Variants in MYO1D observed in about 807,000 individuals in gnomAD.
MYO1D encodes myosin ID, also known as unconventional myosin-Id.
Under a neutral mutation model 122.0 loss-of-function variants are expected in MYO1D, and 83 were observed. The observed-to-expected ratio is 0.68, with a 90% confidence interval of 0.57 to 0.82. The LOEUF (loss-of-function observed/expected upper bound fraction) is 0.82, where lower values mean the gene tolerates loss of function less well. MYO1D is among the 40% of genes least tolerant of loss of function. The pLI, the probability that MYO1D is intolerant of heterozygous loss-of-function variation, is 0.00. For synonymous variants in MYO1D, 464 were observed against 446.9 expected (o/e 1.04, Z -0.48); for missense variants, 1,157 against 1,269.5 (o/e 0.91, Z 1.35).
chr17:32,535,959 C>T (rs1910651784), intron 21 of MYO1D, among the ~76,000 whole-genome samples: 2 of 152,184 alleles, frequency 1.3e-5, no homozygotes. Context: ...TGAGAGGCAG[C>T]GCATAGCTGC....
At chr17:32,870,668 G>T (rs2091170961) in intron 1 of MYO1D, among the ~76,000 whole-genome samples, 1 of 151,684 alleles carries the variant, frequency 6.6e-6, no homozygotes. Flanking sequence ...CAACATTTGA[G>T]TACTCAGTTA....
chr17:32,786,340 A>G (rs2090293690), intron 1 of MYO1D, among the ~76,000 whole-genome samples: 1 of 152,228 alleles, frequency 6.6e-6, no homozygotes, highest in South Asian at 2.1e-4. Flanking sequence ...ATCTTGATAA[A>G]TGAAAAGAGG....
chr17:32,610,104 C>T (rs1380471871), intron 20 of MYO1D, among the ~76,000 whole-genome samples: 4 of 152,176 alleles, frequency 2.6e-5, no homozygotes, highest in African/African-American at 4.8e-5. Context: ...GGAGCATTAG[C>T]TGCAGGGGTT....
intron 8 of MYO1D, 52 bp downstream of exon 8, chr17:32,764,825 CA>C: frequency 1.3e-6 from 2 of 1,574,792 alleles, no homozygotes; most frequent in Non-Finnish European, 1.7e-6. Context: ...GGATTTCACT[CA>C]ATTTGCAACT....
chr17:32,581,515 C>A (rs1402570694), intron 21 of MYO1D, among the ~76,000 whole-genome samples: 2 of 150,608 alleles, frequency 1.3e-5, no homozygotes, highest in African/African-American at 4.9e-5. Context: ...TTTTCCTTTT[C>A]CTTTTCTCTC....
intron 20 of MYO1D, among the ~76,000 whole-genome samples, chr17:32,615,525 C>T (rs60697635): frequency 0.056 from 8,558 of 152,174 alleles, 791 homozygotes; most frequent in African/African-American, 0.19. Flanking sequence ...GTTCTGCTCT[C>T]ATGTAAAATT....
chr17:32,848,895 T>C (rs1236940090), intron 1 of MYO1D, among the ~76,000 whole-genome samples: 1 of 152,206 alleles, frequency 6.6e-6, no homozygotes, highest in Non-Finnish European at 1.5e-5. Context: ...TAGATGACCA[T>C]TTCATAGACA....
At chr17:32,786,646 G>T (rs561793813) in intron 1 of MYO1D, among the ~76,000 whole-genome samples, 3 of 152,080 alleles carry the variant, frequency 2.0e-5, no homozygotes, top group Non-Finnish European at 4.4e-5. Flanking sequence ...ATGGCGAAAC[G>T]CCGGCTCTAC....
At chr17:32,827,662 C>G (rs1360361023) in intron 1 of MYO1D, among the ~76,000 whole-genome samples, 2 of 152,028 alleles carry the variant, frequency 1.3e-5, no homozygotes, top group African/African-American at 4.8e-5. Flanking sequence ...ATCGATTCAA[C>G]TGACATGAAC....
chr17:32,731,843 G>A (rs2150998739), intron 14 of MYO1D, among the ~76,000 whole-genome samples: 1 of 152,312 alleles, frequency 6.6e-6, no homozygotes, highest in Non-Finnish European at 1.5e-5. Context: ...CCAACCTCCT[G>A]GGTGAAGCCA....
chr17:32,857,992 G>C (rs1315384606), intron 1 of MYO1D, among the ~76,000 whole-genome samples: 1 of 152,178 alleles, frequency 6.6e-6, no homozygotes, highest in Non-Finnish European at 1.5e-5. Flanking sequence ...AATACCTGTT[G>C]ATTGGTAATG....
chr17:32,846,209 T>C (rs2090936537), intron 1 of MYO1D, among the ~76,000 whole-genome samples: 1 of 152,256 alleles, frequency 6.6e-6, no homozygotes. Flanking sequence ...GACAAAAAGT[T>C]AGCTGATAAG....
At chr17:32,787,115 A>T (rs1032447858) in intron 1 of MYO1D, among the ~76,000 whole-genome samples, 7 of 152,164 alleles carry the variant, frequency 4.6e-5, no homozygotes, top group Admixed American at 4.6e-4. Context: ...AAAAAGCTAG[A>T]AGAGCTCAAG....
chr17:32,695,244 T>A (rs961659623), intron 16 of MYO1D, among the ~76,000 whole-genome samples: 1 of 152,350 alleles, frequency 6.6e-6, no homozygotes, highest in South Asian at 2.1e-4. Flanking sequence ...CCTAGATCCC[T>A]TGCATGCGCA....
At chr17:32,701,156 A>G (rs2089243924) in intron 16 of MYO1D, among the ~76,000 whole-genome samples, 2 of 152,150 alleles carry the variant, frequency 1.3e-5, no homozygotes, top group South Asian at 4.1e-4. Context: ...ACTTCGTTCA[A>G]TTCTGTTCAA....
intron 20 of MYO1D, among the ~76,000 whole-genome samples, chr17:32,623,999 T>G (rs1274270904): frequency 6.6e-6 from 1 of 152,186 alleles, no homozygotes; most frequent in African/African-American, 2.4e-5. Context: ...CTTAGCACTC[T>G]GTGTCTCTCT....
intron 16 of MYO1D, among the ~76,000 whole-genome samples, chr17:32,684,634 A>G (rs2346036): frequency 0.029 from 4,489 of 152,242 alleles, 132 homozygotes; most frequent in East Asian, 0.19. Flanking sequence ...AGCCCATCCT[A>G]TTACACAACT....
At chr17:32,821,383 A>G (rs1385640069) in intron 1 of MYO1D, among the ~76,000 whole-genome samples, 2 of 152,202 alleles carry the variant, frequency 1.3e-5, no homozygotes, top group African/African-American at 4.8e-5. Flanking sequence ...TCAACAAACT[A>G]AAATAAAGAA....
At chr17:32,677,576 GATAAATATATATATAT>G (rs1440631126) in intron 16 of MYO1D, among the ~76,000 whole-genome samples, 1 of 98,940 alleles carries the variant, frequency 1.0e-5, no homozygotes, top group South Asian at 3.9e-4. Context: ...TATATAGATA[GATAAATATATATATAT>G]ATATATATAT....
Sources: allele counts gnomAD v4.1 joint callset (sites outside exome capture counted in the v4.1 genomes callset), GRCh38; gene constraint gnomAD v4.1.1; transcripts MANE v1.5; gene names NCBI Gene and HGNC (gene_info 2026-07-23, HGNC 2026-07-21).